Variants in NBAS observed in about 807,000 individuals in gnomAD.
NBAS encodes NBAS subunit of NRZ tethering complex.
In NBAS, 219 loss-of-function variants were observed where a neutral mutation model predicts 302.5. The ratio of observed to expected loss-of-function variants is 0.72; its 90% CI spans 0.65 to 0.81. The LOEUF (loss-of-function observed/expected upper bound fraction) is 0.81. NBAS is among the 30% of genes least tolerant of loss of function. NBAS has a pLI of 0.00. For missense variants in NBAS, 2,932 were observed against 2,841.6 expected (o/e 1.03, Z -0.72); for synonymous variants, 1,118 against 1,021.6 (o/e 1.09, Z -1.80).
At chr2:15,273,450 T>C (rs537239615) in intron 44 of NBAS, among the ~76,000 whole-genome samples, 9 of 152,364 alleles carry the variant, frequency 5.9e-5, no homozygotes, top group African/African-American at 1.9e-4. Context: ...CCCCTGACTC[T>C]AGTTGCTTGT....
intron 24 of NBAS, among the ~76,000 whole-genome samples, chr2:15,416,754 C>T (rs1223305134): frequency 7.0e-6 from 1 of 143,840 alleles, no homozygotes; most frequent in African/African-American, 2.6e-5. Context: ...TACAGTGAGC[C>T]AAGATCACGT....
At chr2:15,491,403 C>G (rs1205297558) in intron 11 of NBAS, among the ~76,000 whole-genome samples, 1 of 152,244 alleles carries the variant, frequency 6.6e-6, no homozygotes. Flanking sequence ...AACCATACTT[C>G]CACAACTATC....
At chr2:15,136,746 C>A in the NBAS span, among the ~76,000 whole-genome samples, 1 of 152,180 alleles carries the variant, frequency 6.6e-6, no homozygotes, top group Admixed American at 6.5e-5. Context: ...AAGGAGGGAC[C>A]TGGTGGGACG....
At chr2:15,420,354 C>T (rs1677152548) in intron 23 of NBAS, among the ~76,000 whole-genome samples, 2 of 152,086 alleles carry the variant, frequency 1.3e-5, no homozygotes, top group South Asian at 2.1e-4. Flanking sequence ...TTACTGAGTG[C>T]GGTCTCAGCA....
intron 9 of NBAS, among the ~76,000 whole-genome samples, chr2:15,528,171 T>A (rs1362202098): frequency 6.6e-6 from 1 of 151,700 alleles, no homozygotes; most frequent in Non-Finnish European, 1.5e-5. Flanking sequence ...TGTCACTTTA[T>A]CTAGAATGTC....
the NBAS span, among the ~76,000 whole-genome samples, chr2:15,137,512 G>C: frequency 6.6e-6 from 1 of 152,086 alleles, no homozygotes; most frequent in Non-Finnish European, 1.5e-5. Context: ...AGAACATATA[G>C]CTCTGACTCA....
intron 46 of NBAS, among the ~76,000 whole-genome samples, chr2:15,233,823 G>T (rs1667479109): frequency 6.6e-6 from 1 of 152,126 alleles, no homozygotes; most frequent in Non-Finnish European, 1.5e-5. Context: ...AAACTGACAT[G>T]CATTTAATCA....
the NBAS span, among the ~76,000 whole-genome samples, chr2:15,025,478 A>G: frequency 6.6e-6 from 1 of 152,164 alleles, no homozygotes; most frequent in Admixed American, 6.6e-5. Flanking sequence ...ATTTTAAAAT[A>G]GTTTTTTCTA....
the NBAS span, among the ~76,000 whole-genome samples, chr2:14,833,848 A>C: frequency 6.6e-6 from 1 of 152,060 alleles, no homozygotes; most frequent in African/African-American, 2.4e-5. Flanking sequence ...ATTTTTTCTA[A>C]ATCACTTGTT....
the NBAS span, among the ~76,000 whole-genome samples, chr2:15,125,612 T>A: frequency 6.6e-6 from 1 of 152,192 alleles, no homozygotes; most frequent in Non-Finnish European, 1.5e-5. Flanking sequence ...TCCCTGGATG[T>A]GAGACATGGA....
chr2:14,919,192 C>A, the NBAS span, among the ~76,000 whole-genome samples: 1 of 152,012 alleles, frequency 6.6e-6, no homozygotes, highest in African/African-American at 2.4e-5. Context: ...CAGACCACCA[C>A]AATAAAGTGA....
At chr2:15,047,636 G>A in the NBAS span, among the ~76,000 whole-genome samples, 5 of 151,656 alleles carry the variant, frequency 3.3e-5, no homozygotes, top group Admixed American at 2.6e-4. Flanking sequence ...GCCCATGCAG[G>A]TAAAGGCTGG....
the NBAS span, among the ~76,000 whole-genome samples, chr2:15,092,650 A>T: frequency 6.6e-6 from 1 of 152,184 alleles, no homozygotes. Flanking sequence ...GCCTGGCTCC[A>T]TGTTCCTGTC....
At chr2:14,867,469 A>G in the NBAS span, among the ~76,000 whole-genome samples, 16 of 152,314 alleles carry the variant, frequency 1.1e-4, no homozygotes, top group African/African-American at 3.6e-4. Flanking sequence ...AGGCAAGGGC[A>G]AACATCTTTA....
At chr2:15,541,892 C>T (rs1320926982) in intron 6 of NBAS, among the ~76,000 whole-genome samples, 1 of 55,016 alleles carries the variant, frequency 1.8e-5, no homozygotes, top group African/African-American at 7.1e-5. Flanking sequence ...CCGCCCCGTC[C>T]GGGAGGGAGG....
At chr2:15,322,938 T>G in intron 38 of NBAS, among the ~76,000 whole-genome samples, 1 of 152,294 alleles carries the variant, frequency 6.6e-6, no homozygotes, top group East Asian at 1.9e-4. Flanking sequence ...ATTATTAAAA[T>G]CACCTCTATA....
rs557171555 is a variant in NBAS at position 15,453,046 on chromosome 2, C to T, written c.2339+8155G>A. Among the ~76,000 whole-genome samples the T allele has an allele frequency of 3.9e-5, 6 of 152,216 alleles. No individual in the cohort carries two copies. The East Asian group carries it at 1.2e-3, about 29-fold the overall frequency. On this transcript the variant is annotated intron_variant, in intron 21 of 51. Coordinates refer to ENST00000281513, the MANE Select transcript of NBAS (RefSeq NM_015909.4). ...AATTGGTCACTAGAAGGGTGAGTGA[C>T]CCTCCAGAATGGGTAAGTGACAATG... is the stretch of plus-strand genomic sequence containing the variant.
the NBAS span, among the ~76,000 whole-genome samples, chr2:14,903,164 T>C: frequency 5.3e-5 from 8 of 152,112 alleles, no homozygotes; most frequent in Non-Finnish European, 1.0e-4. Flanking sequence ...AACCACAATA[T>C]TTTGCAACCC....
the NBAS span, among the ~76,000 whole-genome samples, chr2:15,120,540 G>A: frequency 6.6e-6 from 1 of 151,904 alleles, no homozygotes; most frequent in Admixed American, 6.6e-5. Flanking sequence ...GTAAGATTCA[G>A]CAGGGTTTAT....
Sources: gnomAD v4.1 joint callset for allele counts (sites outside exome capture counted in the v4.1 genomes callset) on GRCh38, gnomAD v4.1.1 for gene constraint, MANE v1.5 for transcripts, NCBI Gene and HGNC (gene_info 2026-07-23, HGNC 2026-07-21) for gene names.